CACNA1D: variants seen among roughly 807,000 people sequenced by gnomAD.
The protein encoded by CACNA1D is calcium voltage-gated channel subunit alpha1 D, also known as voltage-dependent L-type calcium channel subunit alpha-1D.
Under a neutral mutation model 257.1 loss-of-function variants are expected in CACNA1D, and 55 were observed. The observed-to-expected ratio is 0.21, with a 90% CI of 0.17 to 0.27. The LOEUF is 0.27. Ranked by LOEUF, CACNA1D falls within the 10% of genes least tolerant of loss-of-function variation. The pLI, the probability that CACNA1D is intolerant of heterozygous loss-of-function variation, is 1.00. For missense variants in CACNA1D, 1,876 were observed against 2,784.0 expected, an observed-to-expected ratio of 0.67 and a Z score of 7.34; for synonymous variants, 980 against 1,014.9, an observed-to-expected ratio of 0.97 and a Z score of 0.65.
chr3:53,681,665 G>T (rs1446466811), intron 8 of CACNA1D, among the ~76,000 whole-genome samples: 1 of 152,160 alleles, frequency 6.6e-6, no homozygotes, highest in Admixed American at 6.5e-5. Flanking sequence ...GAATGAAATG[G>T]TTTCTTTCTT....
At position 53,791,265 on chromosome 3, in the gene CACNA1D, A is replaced by G. The variant is rs76256729; in HGVS notation, c.4923+4313A>G. 9.2e-3 allele frequency: 4,901 copies of G among 529,948 alleles called. 204 individuals are homozygous for G. Among genetic ancestry groups the G allele is most frequent in the African/African-American group, 0.085 (4,446 of 52,504 alleles). The allele number at this position is 529,948 out of a possible 1,614,324, so 32.8% of individuals were successfully genotyped here. A position where few individuals can be genotyped will look rare whatever the true frequency, so the allele number is the denominator to read the frequency against. On this transcript the variant is annotated intron_variant, in intron 40 of 47. Transcript: ENST00000350061. ...GCTCACGGTGGTTCTTTTTCGTGAA[A>G]GGGAACGTACAAAGCTTAACAGTTT... is the stretch of plus-strand genomic sequence containing the variant.
chr3:53,740,409 T>G, intron 21 of CACNA1D, 70 bp downstream of exon 21: 1 of 1,039,492 alleles, frequency 9.6e-7, no homozygotes, highest in Non-Finnish European at 1.5e-6. Context: ...CTTCTTTGTT[T>G]GCCTTCCAGA....
In CACNA1D at chr3:53,651,047, A is replaced by T. The variant is rs1381188685; in HGVS notation, c.623+129A>T. On this transcript the variant is annotated intron_variant, in intron 4 of 47. Coordinates refer to ENST00000350061, the MANE Select transcript of CACNA1D (RefSeq NM_001128840.3). ...CTTTTATGCCAGCTGTTGCACCAGAACCTCTCAGGAGTTCTTTTAAGGCTG... is the reference window on the plus strand; with the variant it reads ...CTTTTATGCCAGCTGTTGCACCAGATCCTCTCAGGAGTTCTTTTAAGGCTG... The T allele has an allele frequency of 6.1e-6, 5 of 819,952 alleles. No homozygotes were observed. In the East Asian group the frequency reaches 1.0e-4, roughly 17 times the overall value. The allele number at this position is 819,952 out of a possible 1,614,324, so 50.8% of individuals were successfully genotyped here.
intron 19 of CACNA1D, among the ~76,000 whole-genome samples, chr3:53,733,950 GTGTA>G (rs71617718): frequency 0.17 from 23,807 of 143,142 alleles, 2,242 homozygotes; most frequent in Non-Finnish European, 0.21. Flanking sequence ...GTGTGTGTGT[GTGTA>G]TGTATGTATG....
chr3:53,515,070 AG>A (rs1417615796), intron 3 of CACNA1D, among the ~76,000 whole-genome samples: 1 of 152,158 alleles, frequency 6.6e-6, no homozygotes, highest in Non-Finnish European at 1.5e-5. Flanking sequence ...AAGGACAGAG[AG>A]GGGGCTAGTT....
chr3:53,570,549 G>C (rs964716794), intron 3 of CACNA1D, among the ~76,000 whole-genome samples: 1 of 152,224 alleles, frequency 6.6e-6, no homozygotes, highest in Non-Finnish European at 1.5e-5. Flanking sequence ...CGTCAACGGA[G>C]CTATATTCAT....
At chr3:53,498,155 G>T (rs930544232) in intron 2 of CACNA1D, among the ~76,000 whole-genome samples, 1 of 152,200 alleles carries the variant, frequency 6.6e-6, no homozygotes, top group African/African-American at 2.4e-5. Flanking sequence ...GGAGAGGCTC[G>T]TGTGTGCCTC....
chr3:53,521,606 C>T (rs564247076), intron 3 of CACNA1D, among the ~76,000 whole-genome samples: 5 of 152,094 alleles, frequency 3.3e-5, no homozygotes, highest in South Asian at 4.2e-4. Context: ...TTCTGAGGGT[C>T]GAAAGGTTTG....
At chr3:53,611,923 C>T (rs753973734) in intron 3 of CACNA1D, among the ~76,000 whole-genome samples, 1 of 152,146 alleles carries the variant, frequency 6.6e-6, no homozygotes, top group Non-Finnish European at 1.5e-5. Context: ...GCCAGTAAAA[C>T]TTTATTTATG....
Position 53,565,329 on chromosome 3 carries a change from AAC to A in CACNA1D, c.483+63626_483+63627del, listed in dbSNP as rs745322541. Among the ~76,000 whole-genome samples, 392 of 150,698 alleles carry A rather than the reference AAC, an allele frequency of 2.6e-3. 2 individuals carry two copies. Among genetic ancestry groups the A allele is most frequent in the African/African-American group, 8.6e-3 (353 of 41,252 alleles). On this transcript the variant is annotated intron_variant, in intron 3 of 47. Transcript: ENST00000350061. ...AGATTGCAGGATAATTTTTGACTGT[AAC>A]ACACACACACACACACGTACACACA...
chr3:53,592,714 T>G (rs2093321686), intron 3 of CACNA1D, among the ~76,000 whole-genome samples: 1 of 152,068 alleles, frequency 6.6e-6, no homozygotes, highest in Admixed American at 6.5e-5. Flanking sequence ...TTCTGTTTTT[T>G]TTTTTTTAGA....
chr3:53,582,809 G>T (rs1010465886), intron 3 of CACNA1D, among the ~76,000 whole-genome samples: 1 of 152,122 alleles, frequency 6.6e-6, no homozygotes, highest in Non-Finnish European at 1.5e-5. Flanking sequence ...GACTTGGTGA[G>T]GGGATCTGTG....
At chr3:53,530,715 G>A (rs1161038494) in intron 3 of CACNA1D, among the ~76,000 whole-genome samples, 2 of 152,166 alleles carry the variant, frequency 1.3e-5, no homozygotes, top group Admixed American at 1.3e-4. Context: ...CCCTGCCTCA[G>A]TGCTGCCTCC....
At chr3:53,585,769 C>A (rs2093204794) in intron 3 of CACNA1D, among the ~76,000 whole-genome samples, 1 of 152,162 alleles carries the variant, frequency 6.6e-6, no homozygotes, top group African/African-American at 2.4e-5. Context: ...AGGGCTGTAC[C>A]TTTCACGAAG....
chr3:53,660,524 A>G (rs1385882213), intron 5 of CACNA1D, among the ~76,000 whole-genome samples: 3 of 152,170 alleles, frequency 2.0e-5, no homozygotes, highest in African/African-American at 7.2e-5. Flanking sequence ...CAGAAAGACA[A>G]GGTGAGGTGT....
chr3:53,692,553 G>A (rs1000154625), intron 8 of CACNA1D, among the ~76,000 whole-genome samples: 31 of 152,138 alleles, frequency 2.0e-4, no homozygotes, highest in South Asian at 2.1e-4. Context: ...CATCCCTACC[G>A]CACTCTCCTG....
intron 47 of CACNA1D, chr3:53,810,582 ACCC>A: frequency 2.2e-6 from 1 of 454,476 alleles, no homozygotes; most frequent in South Asian, 2.1e-5. Flanking sequence ...ACATGGTGAA[ACCC>A]CGTCTCTACT....
chr3:53,733,347 GA>G (rs2108774204), intron 19 of CACNA1D, among the ~76,000 whole-genome samples: 1 of 152,342 alleles, frequency 6.6e-6, no homozygotes, highest in South Asian at 2.1e-4. Flanking sequence ...TTTTCCTAAT[GA>G]GTGGATCTTC....
chr3:53,508,540 T>C (rs2090961136), intron 3 of CACNA1D, among the ~76,000 whole-genome samples: 1 of 152,234 alleles, frequency 6.6e-6, no homozygotes, highest in South Asian at 2.1e-4. Flanking sequence ...TAAGTTCTTA[T>C]CATTTAGCTC....
Sources: gnomAD v4.1 joint callset for allele counts (sites outside exome capture counted in the v4.1 genomes callset) on GRCh38, gnomAD v4.1.1 for gene constraint, MANE v1.5 for transcripts, NCBI Gene and HGNC (gene_info 2026-07-23, HGNC 2026-07-21) for gene names.